Variants in WDR86 observed in about 807,000 individuals in gnomAD.
WDR86 encodes the protein WD repeat-containing protein 86.
WDR86 carries 30 observed loss-of-function variants against 36.5 expected under a neutral mutation model. That is an observed-to-expected ratio of 0.82 (90% CI 0.61 to 1.11). The LOEUF (loss-of-function observed/expected upper bound fraction) is 1.11, where lower values mean the gene tolerates loss of function less well. Ranked by LOEUF, WDR86 falls within the 50% of genes most tolerant of loss-of-function variation. The pLI is 0.00. For missense variants in WDR86, 545 were observed against 561.2 expected (o/e 0.97, Z 0.29); for synonymous variants, 255 against 252.9 (o/e 1.01, Z -0.08).
downstream of WDR86, chr7:151,374,066 C>A: frequency 6.5e-7 from 1 of 1,536,220 alleles, no homozygotes; most frequent in Non-Finnish European, 8.8e-7. Context: ...CAGTCCCTAA[C>A]TTGGGATGGG....
chr7:151,379,290 C>T (rs149283943), downstream of WDR86, among the ~76,000 whole-genome samples: 205 of 152,166 alleles, frequency 1.3e-3, no homozygotes, highest in Non-Finnish European at 2.6e-3. Context: ...TGGGCATGGG[C>T]GTGTAGCAGG....
Position 151,409,986 on chromosome 7 carries a change from A to G in WDR86, c.-397T>C, listed in dbSNP as rs914700671. The G allele has an allele frequency of 5.3e-5, 53 of 1,004,918 alleles. No individual in the cohort carries two copies. The highest frequency in any genetic ancestry group is 5.8e-5 in the Non-Finnish European group (49 of 843,530). 62.3% of individuals were successfully genotyped at this position (1,004,918 alleles called of 1,614,324 possible). On this transcript the variant is annotated 5_prime_UTR_variant, in exon 1 of 6. Transcript: ENST00000334493. The surrounding 1 kb of genome is among the most constrained non-coding windows in gnomAD (Gnocchi z 5.2). Reference sequence around the variant, plus strand: ...ACGGGGCTGGGGCGGGGAGAGGAACACGGGAAGCCGAGCGCCCCGCGCCCT... The same window carrying G: ...ACGGGGCTGGGGCGGGGAGAGGAACGCGGGAAGCCGAGCGCCCCGCGCCCT...
rs1339860224 is a variant in WDR86 at position 151,401,605 on chromosome 7, T to A, written c.164-1364A>T. Among the ~76,000 whole-genome samples, 4 of 152,198 alleles carry A rather than the reference T, an allele frequency of 2.6e-5. No homozygotes were observed. In the East Asian group the frequency reaches 7.7e-4, roughly 29 times the overall value. ...TTTTCCTTACACTGGGGAGAGATAC[T>A]GTGGTAGGCAGAATGACGGCCCCAA... On this transcript the variant is annotated intron_variant, in intron 1 of 5. Coordinates refer to ENST00000334493, the MANE Select transcript of WDR86 (RefSeq NM_198285.3). The surrounding 1 kb of genome is among the most constrained non-coding windows in gnomAD (Gnocchi z 4.3).
chr7:151,405,211 A>T lies in WDR86; in HGVS notation c.163+4216T>A, dbSNP rs183152034. 1.3e-4 allele frequency among the ~76,000 whole-genome samples: 20 copies of T among 151,814 alleles called. No individual in the cohort carries two copies. The highest frequency in any genetic ancestry group is 1.3e-3 in the Admixed American group (20 of 15,280). On this transcript the variant is annotated intron_variant, in intron 1 of 5. Transcript: ENST00000334493. The surrounding 1 kb of genome is among the most constrained non-coding windows in gnomAD (Gnocchi z 4.7). ...ACTCCCATTGGGTTAGAAAAGAGGG[A>T]GCCCACCGTGGGTTCCGACAAGTGG...
At position 151,385,197 on chromosome 7, in the gene WDR86, G is replaced by C; in HGVS notation, c.753C>G (p.Gly251=). The change falls in exon 4 of 6, where the codon GGC becomes GGG. Residue 251 remains glycine, a synonymous_variant. Coordinates refer to ENST00000334493, the MANE Select transcript of WDR86 (RefSeq NM_198285.3). The part of the protein sequence containing the change: ...LELVNRLVYS[G]SADRTVKCWL... ...AGCACTTGACGGTCCTGTCCGCGCT[G>C]CCAGAGTACACGAGTCGGTTCACCA... 6.2e-7 allele frequency: 1 copy of C among 1,612,718 alleles called. No homozygotes were observed. The highest frequency in any genetic ancestry group is 1.3e-5 in the African/African-American group (1 of 75,062).
intron 2 of WDR86, among the ~76,000 whole-genome samples, chr7:151,398,703 GTGTGTGCGCACATGTGTATGTGTAAGT>G (rs1800072390): frequency 6.6e-6 from 1 of 151,650 alleles, no homozygotes; most frequent in African/African-American, 2.4e-5. Context: ...TGTATGTTGT[GTGTGTGCGCACATGTGTATGTGTAAGT>G]TGTGTGTGCA....
Position 151,409,455 on chromosome 7 carries a change from C to A in WDR86, c.135G>T (p.Ala45=). Reference sequence around the variant, plus strand: ...GCAGGAGCGCGCAGCACTGGCCGTCCGCGGTGCTCCAGAGCCGGGCCGTGC... The same window carrying A: ...GCAGGAGCGCGCAGCACTGGCCGTCAGCGGTGCTCCAGAGCCGGGCCGTGC... ...EDGTARLWST[A]DGQCCALLQG... is the part of the protein sequence containing the mutation. Residue 45 remains alanine (A), a synonymous_variant, in exon 1 of 6, where the codon GCG becomes GCT. Transcript: ENST00000334493. The surrounding 1 kb of genome is among the most constrained non-coding windows in gnomAD (Gnocchi z 5.2). 6.5e-7 allele frequency: 1 copy of A among 1,543,178 alleles called. No individual in the cohort carries two copies. Among genetic ancestry groups the A allele is most frequent in the Non-Finnish European group, 8.7e-7 (1 of 1,149,780 alleles).
At chr7:151,378,802 G>A (rs1218710221), downstream of WDR86, among the ~76,000 whole-genome samples, 4 of 152,222 alleles carry the variant, frequency 2.6e-5, no homozygotes, top group East Asian at 5.8e-4. Flanking sequence ...GCTGTCCTGC[G>A]CTTGGTTCAG....
rs1799302827 is a variant in WDR86 at position 151,390,095 on chromosome 7, G to C, written c.727-4872C>G. On this transcript the variant is annotated intron_variant, in intron 3 of 5. Coordinates refer to ENST00000334493, the MANE Select transcript of WDR86 (RefSeq NM_198285.3). The surrounding 1 kb of genome is among the most constrained non-coding windows in gnomAD (Gnocchi z 4.5). Reference sequence around the variant, plus strand: ...GCCCCAAAAGGATCCAAATGCAAGAGAGCGTGGGGTGTAATGGCCAGCCCT... The same window carrying C: ...GCCCCAAAAGGATCCAAATGCAAGACAGCGTGGGGTGTAATGGCCAGCCCT... 1.3e-5 allele frequency among the ~76,000 whole-genome samples: 2 copies of C among 152,208 alleles called. No individual in the cohort carries two copies. The highest frequency in any genetic ancestry group is 6.5e-5 in the Admixed American group (1 of 15,290).
chr7:151,384,725 T>G (rs1290873747), intron 4 of WDR86, among the ~76,000 whole-genome samples: 1 of 152,214 alleles, frequency 6.6e-6, no homozygotes, highest in Non-Finnish European at 1.5e-5. Context: ...AGACAAATCC[T>G]AAGGCCAAGT....
downstream of WDR86, among the ~76,000 whole-genome samples, chr7:151,379,257 G>A (rs1003072154): frequency 1.6e-4 from 24 of 152,184 alleles, no homozygotes; most frequent in African/African-American, 5.8e-4. Context: ...CGGGGAGGTT[G>A]GATGCCATTA....
At chr7:151,404,576 G>A (rs1003143518) in intron 1 of WDR86, among the ~76,000 whole-genome samples, 16 of 152,152 alleles carry the variant, frequency 1.1e-4, no homozygotes, top group African/African-American at 2.4e-4. Flanking sequence ...CCCCAACCCC[G>A]AGGACCCTAG....
At chr7:151,395,227 C>T (rs1399929744) in intron 3 of WDR86, among the ~76,000 whole-genome samples, 2 of 152,198 alleles carry the variant, frequency 1.3e-5, no homozygotes, top group Admixed American at 1.3e-4. Context: ...AGCACAAAGA[C>T]AAACCAGGAA....
downstream of WDR86, among the ~76,000 whole-genome samples, chr7:151,373,041 T>C (rs1202016890): frequency 4.6e-5 from 7 of 152,126 alleles, no homozygotes; most frequent in Admixed American, 3.3e-4. Flanking sequence ...TCCACAATGA[T>C]GATGCTTTTG....
At chr7:151,370,408 G>A in the WDR86 span, among the ~76,000 whole-genome samples, 5 of 152,244 alleles carry the variant, frequency 3.3e-5, no homozygotes, top group African/African-American at 1.2e-4. Context: ...AGTTCTGTGT[G>A]TTTGAGTTTT....
rs1801057958 is a variant in WDR86 at position 151,409,695 on chromosome 7, G to A, written c.-106C>T. ...CGACTGCGGCCCGCGGCCATCGCGG[G>A]GAACGGGGAGCCCGACTCCTGCGGA... On this transcript the variant is annotated 5_prime_UTR_variant, in exon 1 of 6. Coordinates refer to ENST00000334493, the MANE Select transcript of WDR86 (RefSeq NM_198285.3). The surrounding 1 kb of genome is among the most constrained non-coding windows in gnomAD (Gnocchi z 5.2). 7.7e-7 allele frequency: 1 copy of A among 1,298,180 alleles called. No homozygotes were observed. The allele number at this position is 1,298,180 out of a possible 1,614,324, so 80.4% of individuals were successfully genotyped here. A position where few individuals can be genotyped will look rare whatever the true frequency, so the allele number is the denominator to read the frequency against.
chr7:151,376,582 TG>T (rs1472215454), downstream of WDR86: 1 of 1,509,316 alleles, frequency 6.6e-7, no homozygotes, highest in Non-Finnish European at 8.9e-7. Flanking sequence ...CTGACGGGGG[TG>T]GCAGAAGAGG....
chr7:151,399,095 G>A (rs1482624550), intron 2 of WDR86, among the ~76,000 whole-genome samples: 1 of 152,228 alleles, frequency 6.6e-6, no homozygotes, highest in Non-Finnish European at 1.5e-5. Context: ...GCCGGGGCCA[G>A]ACGGCCACCC....
At chr7:151,382,008 C>T in intron 4 of WDR86, 27 bp from the exon 5 acceptor site, 3 of 1,567,012 alleles carry the variant, frequency 1.9e-6, no homozygotes, top group Non-Finnish European at 2.6e-6. Context: ...CGCGCTGGGC[C>T]TCCCTCCCTG....
Sources: gnomAD v4.1 joint callset for allele counts (sites outside exome capture counted in the v4.1 genomes callset) on GRCh38, gnomAD v4.1.1 for gene constraint, Gnocchi (gnomAD v3.1) non-coding constraint, MANE v1.5 for transcripts, NCBI Gene and HGNC (gene_info 2026-07-23, HGNC 2026-07-21) for gene names.